Variants in LRRTM4 observed in about 807,000 individuals in gnomAD.
The protein encoded by LRRTM4 is leucine-rich repeat transmembrane neuronal protein 4.
A neutral mutation model predicts 47.6 loss-of-function variants in LRRTM4; 25 were observed. The observed-to-expected ratio is 0.53, with a 90% CI of 0.38 to 0.73. LRRTM4 has a LOEUF of 0.73. Ranked by LOEUF, LRRTM4 falls within the 30% of genes least tolerant of loss-of-function variation. LRRTM4 has a pLI of 0.00. For missense variants in LRRTM4, 638 were observed against 713.4 expected, an observed-to-expected ratio of 0.89 and a Z score of 1.20; for synonymous variants, 311 against 269.5, an observed-to-expected ratio of 1.15 and a Z score of -1.51.
At chr2:77,378,994 T>TAATATTGTTGTCATTTGTCC (rs1373313089) in intron 3 of LRRTM4, among the ~76,000 whole-genome samples, 2 of 152,308 alleles carry the variant, frequency 1.3e-5, no homozygotes, top group East Asian at 3.9e-4. Context: ...TCATTTTGTC[T>TAATATTGTTGTCATTTGTCC]AATATTGTTG....
intron 3 of LRRTM4, among the ~76,000 whole-genome samples, chr2:77,466,987 C>T (rs1039846030): frequency 9.2e-5 from 14 of 151,930 alleles, no homozygotes; most frequent in East Asian, 5.8e-4. Context: ...CGTGAGCCAC[C>T]GTGCCTGGTC....
At chr2:76,760,479 C>T (rs1313574762) in intron 3 of LRRTM4, among the ~76,000 whole-genome samples, 1 of 152,120 alleles carries the variant, frequency 6.6e-6, no homozygotes, top group Non-Finnish European at 1.5e-5. Flanking sequence ...CTTATGAAGT[C>T]AGCAAGAGAT....
intron 2 of LRRTM4, among the ~76,000 whole-genome samples, chr2:77,521,421 C>T (rs1679491668): frequency 6.6e-6 from 1 of 151,794 alleles, no homozygotes; most frequent in Admixed American, 6.6e-5. Context: ...ACAGTAGAAA[C>T]AGTCTTAAAG....
intron 3 of LRRTM4, among the ~76,000 whole-genome samples, chr2:77,516,170 C>T (rs557757049): frequency 4.6e-5 from 7 of 151,976 alleles, no homozygotes; most frequent in Admixed American, 3.9e-4. Context: ...TATTTAATTA[C>T]ATTCTTCATT....
At chr2:77,122,227 A>G (rs1572983006) in intron 3 of LRRTM4, among the ~76,000 whole-genome samples, 1 of 151,844 alleles carries the variant, frequency 6.6e-6, no homozygotes, top group South Asian at 2.1e-4. Context: ...TACTGTTTAA[A>G]TCTAATACTA....
intron 3 of LRRTM4, among the ~76,000 whole-genome samples, chr2:76,934,020 T>C (rs911818870): frequency 1.3e-5 from 2 of 152,164 alleles, no homozygotes; most frequent in Non-Finnish European, 2.9e-5. Flanking sequence ...GGCTAAGACG[T>C]CGATAACATT....
At chr2:77,300,824 T>C (rs1232888512) in intron 3 of LRRTM4, among the ~76,000 whole-genome samples, 1 of 152,164 alleles carries the variant, frequency 6.6e-6, no homozygotes, top group Admixed American at 6.5e-5. Flanking sequence ...TTATTTAATA[T>C]ATGTTACTCT....
intron 3 of LRRTM4, among the ~76,000 whole-genome samples, chr2:77,243,424 ATAAAAAAAAT>A (rs1253539219): frequency 0.46 from 56,517 of 122,202 alleles, 13,578 homozygotes; most frequent in Non-Finnish European, 0.5. Context: ...ATAAAAAAAA[ATAAAAAAAAT>A]AAAAAAAAAA....
At chr2:76,989,272 T>G (rs1402587753) in intron 3 of LRRTM4, among the ~76,000 whole-genome samples, 1 of 151,872 alleles carries the variant, frequency 6.6e-6, no homozygotes, top group Non-Finnish European at 1.5e-5. Flanking sequence ...CAATGGTCTG[T>G]TCAGCTTTCA....
intron 3 of LRRTM4, among the ~76,000 whole-genome samples, chr2:77,181,434 T>C (rs1673343852): frequency 6.6e-6 from 1 of 152,080 alleles, no homozygotes; most frequent in Admixed American, 6.6e-5. Context: ...GACTGAATAT[T>C]GTGGAGCAAA....
intron 3 of LRRTM4, among the ~76,000 whole-genome samples, chr2:77,050,447 A>T (rs1352803060): frequency 3.9e-5 from 6 of 152,294 alleles, no homozygotes; most frequent in African/African-American, 1.4e-4. Context: ...ATATCGGTTT[A>T]CCATTTGGAC....
intron 3 of LRRTM4, among the ~76,000 whole-genome samples, chr2:77,441,641 AG>A (rs1675846219): frequency 1.3e-5 from 2 of 152,188 alleles, no homozygotes; most frequent in Non-Finnish European, 2.9e-5. Context: ...AACATTGCAA[AG>A]ATGTATCATA....
At chr2:76,945,057 C>G (rs77830235) in intron 3 of LRRTM4, among the ~76,000 whole-genome samples, 7 of 151,960 alleles carry the variant, frequency 4.6e-5, no homozygotes, top group African/African-American at 1.4e-4. Context: ...AACTTTAATT[C>G]AGCTTTAGGA....
chr2:77,501,313 T>C (rs1006222169), intron 3 of LRRTM4, among the ~76,000 whole-genome samples: 4 of 150,706 alleles, frequency 2.7e-5, no homozygotes, highest in Non-Finnish European at 4.5e-5. Flanking sequence ...CATATATATT[T>C]GTATATATGA....
At chr2:76,857,698 T>G (rs901203034) in intron 3 of LRRTM4, among the ~76,000 whole-genome samples, 1 of 152,180 alleles carries the variant, frequency 6.6e-6, no homozygotes, top group African/African-American at 2.4e-5. Flanking sequence ...TTTGGCAACA[T>G]AATTTTGTGT....
At chr2:76,904,746 G>C (rs1166870131) in intron 3 of LRRTM4, among the ~76,000 whole-genome samples, 1 of 152,176 alleles carries the variant, frequency 6.6e-6, no homozygotes, top group East Asian at 1.9e-4. Context: ...TTGTATGCCA[G>C]AGCAACATCA....
At chr2:77,014,075 A>G (rs567690664) in intron 3 of LRRTM4, among the ~76,000 whole-genome samples, 1 of 152,292 alleles carries the variant, frequency 6.6e-6, no homozygotes, top group African/African-American at 2.4e-5. Flanking sequence ...AGTATGATTA[A>G]TATGATCAAA....
chr2:77,120,509 ATAT>A (rs1035683270), intron 3 of LRRTM4, among the ~76,000 whole-genome samples: 6 of 151,850 alleles, frequency 4.0e-5, no homozygotes, highest in Admixed American at 6.6e-5. Flanking sequence ...ATAAAGGGAA[ATAT>A]TATAATAGTC....
At chr2:76,884,789 A>G (rs1452975811) in intron 3 of LRRTM4, among the ~76,000 whole-genome samples, 1 of 138,878 alleles carries the variant, frequency 7.2e-6, no homozygotes, top group Non-Finnish European at 1.5e-5. Flanking sequence ...CGTCTGTTGT[A>G]AAAAAAGTAA....
Sources: gnomAD v4.1 joint callset for allele counts (sites outside exome capture counted in the v4.1 genomes callset) on GRCh38, gnomAD v4.1.1 for gene constraint, MANE v1.5 for transcripts, NCBI Gene and HGNC (gene_info 2026-07-23, HGNC 2026-07-21) for gene names.